The following CAPN11 variants were observed in gnomAD, a reference collection of about 807,000 sequenced individuals.
CAPN11 encodes calpain-11.
CAPN11 carries 108 observed loss-of-function variants against 105.3 expected under a neutral mutation model. The observed-to-expected ratio is 1.03, with a 90% CI of 0.88 to 1.20. The LOEUF is 1.20. Ranked by LOEUF, CAPN11 falls within the 50% of genes most tolerant of loss-of-function variation. The pLI is 0.00. For missense variants in CAPN11, 883 were observed against 924.8 expected (o/e 0.95, Z 0.59); for synonymous variants, 329 against 344.5 (o/e 0.96, Z 0.50).
rs913504691 is a variant in CAPN11 at position 44,184,242 on chromosome 6, C to G, written c.*310C>G. The G allele has an allele frequency of 6.5e-6, 3 of 458,844 alleles. No homozygotes were observed. Among genetic ancestry groups the G allele is most frequent in the Non-Finnish European group, 1.2e-5 (3 of 253,374 alleles). 28.4% of individuals were successfully genotyped at this position (458,844 alleles called of 1,614,324 possible). ...TGATGCTTCCCCAGGGTCCCCCTGG[C>G]TGGGGAGGCCAAGAATAGGGAAGGG... On this transcript the variant is annotated 3_prime_UTR_variant, in exon 23 of 23. Transcript: ENST00000398776.
intron 1 of CAPN11, chr6:44,161,700 G>A (rs1768840520): frequency 2.3e-6 from 1 of 440,978 alleles, no homozygotes; most frequent in African/African-American, 2.0e-5. Flanking sequence ...ATGAGACAAG[G>A]GAGTTAAGAT....
chr6:44,162,702 T>C (rs1385213511), intron 1 of CAPN11, among the ~76,000 whole-genome samples: 1 of 152,136 alleles, frequency 6.6e-6, no homozygotes, highest in Non-Finnish European at 1.5e-5. Flanking sequence ...ATCAACCTGG[T>C]GGCCCCTTTT....
chr6:44,181,413 T>G, intron 19 of CAPN11, 93 bp downstream of exon 19: 1 of 659,290 alleles, frequency 1.5e-6, no homozygotes, highest in South Asian at 1.8e-5. Context: ...ACCCAAGCCC[T>G]AACCACACAC....
chr6:44,170,233 T>G lies in CAPN11; in HGVS notation c.409+258T>G, dbSNP rs139871409. Reference sequence around the variant, plus strand: ...ATATTAGTTACATTTGACTACATAATAAATTACCTAGGACTTAGCAACTTA... The same window carrying G: ...ATATTAGTTACATTTGACTACATAAGAAATTACCTAGGACTTAGCAACTTA... On this transcript the variant is annotated intron_variant, in intron 4 of 22. Coordinates refer to ENST00000398776, the MANE Select transcript of CAPN11 (RefSeq NM_007058.4). Among the ~76,000 whole-genome samples the G allele has an allele frequency of 1.1e-3, 164 of 152,278 alleles. 1 individual carries two copies. The highest frequency in any genetic ancestry group is 3.7e-3 in the African/African-American group (153 of 41,562).
intron 5 of CAPN11, 107 bp from the exon 6 acceptor site, chr6:44,172,833 A>T: frequency 3.1e-6 from 4 of 1,295,724 alleles, no homozygotes; most frequent in Non-Finnish European, 4.2e-6. Flanking sequence ...CTATTCAGTG[A>T]TTCTGGAGAG....
intron 7 of CAPN11, among the ~76,000 whole-genome samples, chr6:44,174,361 CA>C (rs1771562727): frequency 6.6e-6 from 1 of 151,962 alleles, no homozygotes; most frequent in Admixed American, 6.6e-5. Context: ...GGACAGATCT[CA>C]GGGGAATTAT....
chr6:44,183,946 G>T lies in CAPN11; in HGVS notation c.*14G>T. The T allele has an allele frequency of 1.3e-6, 2 of 1,553,338 alleles. No individual in the cohort carries two copies. The highest frequency in any genetic ancestry group is 1.7e-6 in the Non-Finnish European group (2 of 1,147,992). On this transcript the variant is annotated 3_prime_UTR_variant, in exon 23 of 23. Coordinates refer to ENST00000398776, the MANE Select transcript of CAPN11 (RefSeq NM_007058.4). ...ATGTGGGGATAGAGGCGCTGTAGGA[G>T]CCTGGTCATCTCTACCAGCAGCAGC...
At chr6:44,168,764 A>G (rs1770442702) in intron 2 of CAPN11, among the ~76,000 whole-genome samples, 2 of 151,990 alleles carry the variant, frequency 1.3e-5, no homozygotes, top group South Asian at 4.2e-4. Flanking sequence ...GATTACAGGC[A>G]TCTTGCCCCC....
chr6:44,179,808 C>T lies in CAPN11; in HGVS notation c.1429-144C>T, dbSNP rs1025182853. On this transcript the variant is annotated intron_variant, in intron 13 of 22. Transcript: ENST00000398776. Reference sequence around the variant, plus strand: ...AAAGGAAGAGACCCTGTTGGAGTTGCGGGCCACTTAGATGGTGTCCAGGCC... The same window carrying T: ...AAAGGAAGAGACCCTGTTGGAGTTGTGGGCCACTTAGATGGTGTCCAGGCC... The T allele has an allele frequency of 4.1e-5, 36 of 881,734 alleles. 1 individual carries two copies. Among genetic ancestry groups the T allele is most frequent in the Non-Finnish European group, 4.7e-5 (25 of 535,726 alleles). 54.6% of individuals were successfully genotyped at this position (881,734 alleles called of 1,614,324 possible).
intron 7 of CAPN11, among the ~76,000 whole-genome samples, chr6:44,175,470 A>T (rs1285309941): frequency 6.6e-6 from 1 of 151,124 alleles, no homozygotes; most frequent in Non-Finnish European, 1.5e-5. Flanking sequence ...ACACAGCGAG[A>T]CCCTGTCTCA....
intron 2 of CAPN11, among the ~76,000 whole-genome samples, chr6:44,167,058 G>A (rs1180172889): frequency 2.0e-5 from 3 of 152,026 alleles, no homozygotes; most frequent in South Asian, 2.1e-4. Flanking sequence ...TGGCAGGCCC[G>A]GGATCCATCA....
intron 1 of CAPN11, among the ~76,000 whole-genome samples, chr6:44,163,179 G>T (rs1026224154): frequency 3.9e-4 from 60 of 152,290 alleles, no homozygotes; most frequent in Non-Finnish European, 7.5e-4. Context: ...CACAGGTGAG[G>T]AAACCAAGGC....
chr6:44,175,637 C>T (rs932083087), intron 7 of CAPN11, among the ~76,000 whole-genome samples: 3 of 151,922 alleles, frequency 2.0e-5, no homozygotes, highest in Non-Finnish European at 4.4e-5. Context: ...ATTAGCCAGG[C>T]GTGGTGGCGG....
At chr6:44,173,415 C>A in intron 7 of CAPN11, 29 bp downstream of exon 7, 1 of 1,439,964 alleles carries the variant, frequency 6.9e-7, no homozygotes, top group Non-Finnish European at 9.6e-7. Flanking sequence ...CACCTCAGGG[C>A]CTTTGCACCT....
At position 44,168,994 on chromosome 6, in the gene CAPN11, A is replaced by C. The variant is rs1197126196; in HGVS notation, c.89-287A>C. 4 of 484,136 alleles carry C rather than the reference A, an allele frequency of 8.3e-6. No individual in the cohort carries two copies. In the East Asian group the frequency reaches 2.4e-4, roughly 29 times the overall value. 30.0% of individuals were successfully genotyped at this position (484,136 alleles called of 1,614,324 possible). ...CTGGAGTGCCATCACATCTCATTGC[A>C]GCCTCAAACTGCCACAGCCTCGAAC... On this transcript the variant is annotated intron_variant, in intron 2 of 22. Coordinates refer to ENST00000398776, the MANE Select transcript of CAPN11 (RefSeq NM_007058.4).
chr6:44,177,217 C>T, intron 11 of CAPN11, 25 bp from the exon 12 acceptor site: 1 of 1,554,640 alleles, frequency 6.4e-7, no homozygotes, highest in Non-Finnish European at 8.7e-7. Flanking sequence ...CCCCGTATAA[C>T]CACGCTGACC....
chr6:44,181,494 A>AC (rs1376409389), intron 19 of CAPN11, among the ~76,000 whole-genome samples, 174 bp downstream of exon 19: 1 of 82,796 alleles, frequency 1.2e-5, no homozygotes, highest in African/African-American at 4.1e-5. Context: ...ACCACACCAC[A>AC]CACACACACA....
In CAPN11 at chr6:44,183,008, T is replaced by C. The variant is rs1774047840; in HGVS notation, c.2006T>C (p.Ile669Thr). The C allele has an allele frequency of 6.2e-6, 10 of 1,612,680 alleles. No homozygotes were observed. The highest frequency in any genetic ancestry group is 8.5e-6 in the Non-Finnish European group (10 of 1,179,106). The change falls in exon 20 of 23, where the codon ATT becomes ACT. Residue 669 changes from isoleucine (I) to threonine (T), a missense_variant. Transcript: ENST00000398776. Reference sequence around the variant, plus strand: ...AACTCCTATGAGATGCGCCTGGTTATTGAGAAAGCAGGTGGCCAAGGGTCA... The same window carrying C: ...AACTCCTATGAGATGCGCCTGGTTACTGAGAAAGCAGGTGGCCAAGGGTCA... ...TLNSYEMRLV[I>T]EKAGIKLNNK...
At chr6:44,171,020 G>A (rs760650849) in intron 4 of CAPN11, among the ~76,000 whole-genome samples, 10 of 152,200 alleles carry the variant, frequency 6.6e-5, no homozygotes, top group East Asian at 1.9e-4. Flanking sequence ...CCCCAGGGCC[G>A]CTGCTGTGGC....
Sources: allele counts gnomAD v4.1 joint callset (sites outside exome capture counted in the v4.1 genomes callset), GRCh38; gene constraint gnomAD v4.1.1; transcripts MANE v1.5; gene names NCBI Gene and HGNC (gene_info 2026-07-23, HGNC 2026-07-21).